The following KIF18A variants were observed in gnomAD, a reference collection of about 807,000 sequenced individuals.
The protein encoded by KIF18A is kinesin family member 18A.
KIF18A carries 67 observed loss-of-function variants against 103.3 expected under a neutral mutation model. The observed-to-expected ratio is 0.65, with a 90% CI of 0.53 to 0.79. The LOEUF (loss-of-function observed/expected upper bound fraction) is 0.79, where lower values mean the gene tolerates loss of function less well. Ranked by LOEUF, KIF18A falls within the 30% of genes least tolerant of loss-of-function variation. The pLI, the probability that KIF18A is intolerant of heterozygous loss-of-function variation, is 0.00. For missense variants in KIF18A, 1,032 were observed against 1,062.5 expected, an observed-to-expected ratio of 0.97 and a Z score of 0.40; for synonymous variants, 367 against 355.5, an observed-to-expected ratio of 1.03 and a Z score of -0.36.
chr11:28,059,190 A>C, intron 12 of KIF18A, 29 bp from the exon 13 acceptor site: 1 of 1,464,242 alleles, frequency 6.8e-7, no homozygotes, highest in Non-Finnish European at 9.5e-7. Flanking sequence ...AAGAAAGGAG[A>C]GATAAATATG....
At chr11:28,088,465 A>G in intron 6 of KIF18A, 59 bp downstream of exon 6, 1 of 1,344,230 alleles carries the variant, frequency 7.4e-7, no homozygotes, top group Non-Finnish European at 1.0e-6. Context: ...ATTAAATAGT[A>G]TCTTTCTTAT....
At chr11:28,032,102 A>AT (rs1310203257) in intron 15 of KIF18A, among the ~76,000 whole-genome samples, 1 of 125,372 alleles carries the variant, frequency 8.0e-6, no homozygotes, top group Non-Finnish European at 1.6e-5. Flanking sequence ...CACTGAAATA[A>AT]TTTGAAAAAA....
intron 10 of KIF18A, among the ~76,000 whole-genome samples, chr11:28,070,563 G>A (rs1360205935): frequency 6.6e-6 from 1 of 152,202 alleles, no homozygotes; most frequent in Non-Finnish European, 1.5e-5. Context: ...TAAGGTTCCT[G>A]ACTCTTTTTT....
At chr11:28,059,829 G>T (rs1292294972) in intron 12 of KIF18A, among the ~76,000 whole-genome samples, 6 of 151,940 alleles carry the variant, frequency 3.9e-5, no homozygotes, top group African/African-American at 1.5e-4. Context: ...AAATTGAAAT[G>T]AAAAATTAAT....
intron 9 of KIF18A, 85 bp from the exon 10 acceptor site, chr11:28,077,254 A>G (rs1851105927): frequency 1.1e-6 from 1 of 903,672 alleles, no homozygotes; most frequent in East Asian, 2.8e-5. Flanking sequence ...GCATAAACAA[A>G]GGAATATATG....
intron 3 of KIF18A, among the ~76,000 whole-genome samples, chr11:28,094,256 T>C (rs1431177605): frequency 6.6e-6 from 1 of 152,206 alleles, no homozygotes; most frequent in African/African-American, 2.4e-5. Flanking sequence ...TTATATTGTA[T>C]CATTGCTAAT....
At chr11:28,024,210 A>AAAC (rs1554968962) in intron 15 of KIF18A, among the ~76,000 whole-genome samples, 6 of 151,322 alleles carry the variant, frequency 4.0e-5, no homozygotes, top group Admixed American at 4.0e-4. Flanking sequence ...AAAAAAAAAA[A>AAAC]ACTAAGCTCA....
intron 13 of KIF18A, among the ~76,000 whole-genome samples, chr11:28,055,799 A>C (rs183964424): frequency 6.6e-6 from 1 of 152,288 alleles, no homozygotes; most frequent in Non-Finnish European, 1.5e-5. Context: ...ACTGGCACAC[A>C]AAAAATTTGC....
chr11:28,083,596 AT>A (rs1018610356), intron 7 of KIF18A, among the ~76,000 whole-genome samples: 41 of 152,182 alleles, frequency 2.7e-4, no homozygotes, highest in Middle Eastern at 3.4e-3. Context: ...ATATTTTAAC[AT>A]TTTTATCATA....
At chr11:28,092,349 A>G (rs934675152) in intron 3 of KIF18A, among the ~76,000 whole-genome samples, 5 of 152,210 alleles carry the variant, frequency 3.3e-5, no homozygotes, top group African/African-American at 1.2e-4. Flanking sequence ...ACATATAATT[A>G]CTAATAATAA....
At position 28,077,052 on chromosome 11, in the gene KIF18A, G is replaced by A; in HGVS notation, c.1380C>T (p.Cys460=). 6.4e-7 allele frequency: 1 copy of A among 1,569,668 alleles called. No individual in the cohort carries two copies. The highest frequency in any genetic ancestry group is 8.6e-7 in the Non-Finnish European group (1 of 1,158,848). ...AACACATCATTTCTATTTGTTTATG[G>A]CACTGTTGTTGGTAGAATGATTTAA... The part of the protein sequence containing the change: ...NELKSFYQQQ[C]HKQIEMMCSE... Residue 460 remains cysteine (C), a synonymous_variant, in exon 10 of 17, where the codon TGC becomes TGT. Transcript: ENST00000263181.
At chr11:28,024,586 T>C (rs915980583) in intron 15 of KIF18A, among the ~76,000 whole-genome samples, 3 of 151,932 alleles carry the variant, frequency 2.0e-5, no homozygotes, top group Non-Finnish European at 4.4e-5. Context: ...TGAAATAATA[T>C]AAGGTAAAGT....
rs763371586 is a variant in KIF18A, at chr11:28,088,518, G to A, written c.897+6C>T. 5 of 1,601,074 alleles carry A rather than the reference G, an allele frequency of 3.1e-6. No homozygotes were observed. On this transcript the variant is annotated splice_donor_region_variant and intron_variant, in intron 6 of 16. Coordinates refer to ENST00000263181, the MANE Select transcript of KIF18A (RefSeq NM_031217.4). ...ACTATTTAACAAATAAACATATAAT[G>A]CCTACCTTTGAATCTGCTAAGGCAT...
chr11:28,105,046 C>G (rs1565093923), intron 1 of KIF18A, among the ~76,000 whole-genome samples: 2 of 151,658 alleles, frequency 1.3e-5, no homozygotes. Context: ...ACAACAAAAC[C>G]ACTATTAAAA....
At chr11:28,088,799 G>A (rs970801311) in intron 5 of KIF18A, 78 bp from the exon 6 acceptor site, 3 of 1,066,962 alleles carry the variant, frequency 2.8e-6, no homozygotes, top group Admixed American at 2.3e-5. Flanking sequence ...CTTTAATAGA[G>A]CACAAAATCA....
intron 10 of KIF18A, among the ~76,000 whole-genome samples, chr11:28,070,868 G>A (rs959519896): frequency 1.6e-4 from 25 of 152,118 alleles, no homozygotes; most frequent in Admixed American, 1.5e-3. Context: ...TAGAGAGACC[G>A]TGTCTCCACA....
intron 13 of KIF18A, among the ~76,000 whole-genome samples, chr11:28,038,428 T>C (rs1464081879): frequency 1.3e-5 from 2 of 151,692 alleles, no homozygotes; most frequent in Non-Finnish European, 3.0e-5. Flanking sequence ...GAAATACCTT[T>C]GCTTGGAGTG....
chr11:28,035,978 A>G (rs1021067518), intron 14 of KIF18A, among the ~76,000 whole-genome samples: 1 of 151,536 alleles, frequency 6.6e-6, no homozygotes, highest in African/African-American at 2.4e-5. Flanking sequence ...CAAACTAAAC[A>G]TATCTTAAGG....
At chr11:28,067,323 TTG>T (rs1850945521) in intron 11 of KIF18A, among the ~76,000 whole-genome samples, 1 of 152,142 alleles carries the variant, frequency 6.6e-6, no homozygotes, top group South Asian at 2.1e-4. Flanking sequence ...GCAGATTAAA[TTG>T]TTGGCTCAAT....
Sources: allele counts gnomAD v4.1 joint callset (sites outside exome capture counted in the v4.1 genomes callset), GRCh38; gene constraint gnomAD v4.1.1; transcripts MANE v1.5; gene names NCBI Gene and HGNC (gene_info 2026-07-23, HGNC 2026-07-21).